The following PLCG2 variants were observed in gnomAD, a reference collection of about 807,000 sequenced individuals.
PLCG2 encodes the protein 1-phosphatidylinositol 4,5-bisphosphate phosphodiesterase gamma-2.
Under a neutral mutation model 175.6 loss-of-function variants are expected in PLCG2, and 69 were observed. The ratio of observed to expected loss-of-function variants is 0.39; its 90% CI spans 0.32 to 0.48. The LOEUF is 0.48. Among genes scored for constraint, PLCG2 ranks in the 20% least tolerant of loss-of-function variants. The pLI is 0.91. For missense variants in PLCG2, 1,798 were observed against 1,650.9 expected (o/e 1.09, Z -1.54); for synonymous variants, 827 against 624.0 (o/e 1.33, Z -4.85).
intron 2 of PLCG2, among the ~76,000 whole-genome samples, chr16:81,815,196 G>A (rs1032107042): frequency 2.0e-5 from 3 of 152,166 alleles, no homozygotes; most frequent in African/African-American, 7.2e-5. Flanking sequence ...GTGGTTATGC[G>A]AAGGGAGGAG....
intron 15 of PLCG2, 139 bp from the exon 16 acceptor site, chr16:81,907,546 G>T (rs1909428174): frequency 1.8e-6 from 1 of 540,846 alleles, no homozygotes. Flanking sequence ...TGAATTCAGA[G>T]AATTCGCCAT....
chr16:81,870,824 CAT>C, intron 6 of PLCG2, 26 bp from the exon 7 acceptor site: 1 of 1,290,722 alleles, frequency 7.7e-7, no homozygotes, highest in Non-Finnish European at 1.1e-6. Context: ...CATCAAAAAT[CAT>C]GTGGTCACTT....
At chr16:81,929,804 G>A (rs1233366974) in intron 24 of PLCG2, among the ~76,000 whole-genome samples, 1 of 152,248 alleles carries the variant, frequency 6.6e-6, no homozygotes, top group Non-Finnish European at 1.5e-5. Context: ...AAGGTCCTAA[G>A]TGACCGACCA....
intron 1 of PLCG2, among the ~76,000 whole-genome samples, chr16:81,784,881 G>T (rs1216403492): frequency 6.6e-6 from 1 of 152,122 alleles, no homozygotes; most frequent in Non-Finnish European, 1.5e-5. Flanking sequence ...TATTTTGGGG[G>T]CAGGCAATGT....
intron 13 of PLCG2, 59 bp downstream of exon 13, chr16:81,895,986 A>G: frequency 1.9e-6 from 3 of 1,602,050 alleles, no homozygotes; most frequent in Non-Finnish European, 2.6e-6. Flanking sequence ...AGGGTTGGAT[A>G]GACAGATGGA....
chr16:81,910,451 C>G, intron 17 of PLCG2, 69 bp from the exon 18 acceptor site: 1 of 1,414,192 alleles, frequency 7.1e-7, no homozygotes, highest in South Asian at 1.2e-5. Context: ...GTCCCCGCCT[C>G]TGAGGCCCTG....
chr16:81,920,451 T>A (rs1446882975), intron 20 of PLCG2, among the ~76,000 whole-genome samples: 4 of 152,266 alleles, frequency 2.6e-5, no homozygotes, highest in African/African-American at 7.2e-5. Flanking sequence ...GCATGAAATA[T>A]AATAAAGCAA....
intron 2 of PLCG2, among the ~76,000 whole-genome samples, chr16:81,854,123 T>G (rs1906560584): frequency 6.6e-6 from 1 of 152,110 alleles, no homozygotes; most frequent in Non-Finnish European, 1.5e-5. Context: ...TAGTCTGTGC[T>G]TATTTCCTGA....
intron 2 of PLCG2, among the ~76,000 whole-genome samples, chr16:81,816,152 C>G (rs908028428): frequency 6.6e-6 from 1 of 151,992 alleles, no homozygotes; most frequent in Non-Finnish European, 1.5e-5. Context: ...AGGAGGATCA[C>G]TTGAGGTCAG....
chr16:81,871,854 G>GTC (rs34043434), intron 7 of PLCG2, among the ~76,000 whole-genome samples: 82,859 of 151,696 alleles, frequency 0.55, 23,368 homozygotes, highest in Middle Eastern at 0.62. Flanking sequence ...CCATCTGAAT[G>GTC]TCTCAATGGA....
chr16:81,928,855 G>A (rs1282293574), intron 24 of PLCG2: 3 of 459,898 alleles, frequency 6.5e-6, no homozygotes, highest in African/African-American at 5.7e-5. Context: ...GTACATAAGT[G>A]CTAGATGGTG....
intron 2 of PLCG2, among the ~76,000 whole-genome samples, chr16:81,799,845 G>C (rs1031380625): frequency 6.6e-6 from 1 of 152,082 alleles, no homozygotes; most frequent in Non-Finnish European, 1.5e-5. Context: ...CTCCCACCTT[G>C]GCCTCCTAAA....
chr16:81,857,771 A>T (rs1567501502), intron 3 of PLCG2, among the ~76,000 whole-genome samples: 1 of 152,196 alleles, frequency 6.6e-6, no homozygotes, highest in South Asian at 2.1e-4. Context: ...AAGGAATGCA[A>T]ATATTCAGTC....
chr16:81,899,073 C>A (rs1462724388), intron 13 of PLCG2, among the ~76,000 whole-genome samples: 1 of 152,094 alleles, frequency 6.6e-6, no homozygotes, highest in Non-Finnish European at 1.5e-5. Flanking sequence ...CCTGTAATCT[C>A]AGCTACTCAG....
intron 2 of PLCG2, among the ~76,000 whole-genome samples, chr16:81,847,056 C>G (rs1018359393): frequency 2.6e-5 from 4 of 152,218 alleles, no homozygotes; most frequent in African/African-American, 2.4e-5. Context: ...GTGCCAGTCA[C>G]AAGCCCAAGT....
At chr16:81,884,769 C>A (rs1908271660) in intron 9 of PLCG2, among the ~76,000 whole-genome samples, 1 of 151,810 alleles carries the variant, frequency 6.6e-6, no homozygotes, top group Non-Finnish European at 1.5e-5. Flanking sequence ...AAAATAAGTT[C>A]ATTTACTTAA....
At chr16:81,937,709 C>A in intron 27 of PLCG2, 49 bp from the exon 28 acceptor site, 1 of 1,572,722 alleles carries the variant, frequency 6.4e-7, no homozygotes, top group Non-Finnish European at 8.7e-7. Flanking sequence ...GCCTAGGGGG[C>A]CAGCGTGCTC....
At chr16:81,752,463 T>A (rs1040823968) in intron 1 of PLCG2, among the ~76,000 whole-genome samples, 4 of 152,144 alleles carry the variant, frequency 2.6e-5, no homozygotes, top group African/African-American at 9.7e-5. Context: ...CGGCTGGCCG[T>A]GGCAGCACTA....
At chr16:81,765,707 G>A (rs1910135437) in intron 2 of PLCG2, among the ~76,000 whole-genome samples, 2 of 152,154 alleles carry the variant, frequency 1.3e-5, no homozygotes, top group Non-Finnish European at 2.9e-5. Flanking sequence ...CCACATCAGC[G>A]AGTTATGGTG....
Sources: allele counts gnomAD v4.1 joint callset (sites outside exome capture counted in the v4.1 genomes callset), GRCh38; gene constraint gnomAD v4.1.1; transcripts MANE v1.5; gene names NCBI Gene and HGNC (gene_info 2026-07-23, HGNC 2026-07-21).